The following LY96 variants were observed in gnomAD, a reference collection of about 807,000 sequenced individuals.
The protein encoded by LY96 is myeloid differentiation protein-2.
LY96 carries 18 observed loss-of-function variants against 18.9 expected under a neutral mutation model. The observed-to-expected ratio is 0.95, with a 90% CI of 0.66 to 1.41. The LOEUF is 1.41. Ranked by LOEUF, LY96 falls within the 40% of genes most tolerant of loss-of-function variation. The pLI, the probability that LY96 is intolerant of heterozygous loss-of-function variation, is 0.00. For synonymous variants in LY96, 66 were observed against 62.6 expected (o/e 1.06, Z -0.26); for missense variants, 175 against 182.4 (o/e 0.96, Z 0.23).
chr8:74,065,869 G>A, the LY96 span, among the ~76,000 whole-genome samples: 2 of 152,228 alleles, frequency 1.3e-5, no homozygotes, highest in African/African-American at 2.4e-5. Flanking sequence ...TGCTCTTGGA[G>A]TTGAATGCAA....
chr8:74,040,876 G>T, the LY96 span, among the ~76,000 whole-genome samples: 1 of 151,802 alleles, frequency 6.6e-6, no homozygotes, highest in Non-Finnish European at 1.5e-5. Flanking sequence ...CTAATTTTTT[G>T]TATTTTTAGT....
intron 3 of LY96, among the ~76,000 whole-genome samples, chr8:74,014,074 A>T (rs1483648741): frequency 1.3e-5 from 2 of 151,032 alleles, no homozygotes; most frequent in African/African-American, 4.9e-5. Flanking sequence ...CAGGGAGGAG[A>T]TGAAAGAGAG....
the LY96 span, among the ~76,000 whole-genome samples, chr8:74,053,836 C>T: frequency 6.6e-6 from 1 of 152,186 alleles, no homozygotes; most frequent in Non-Finnish European, 1.5e-5. Flanking sequence ...GTAAGACCCC[C>T]ATGGTGAGAC....
At chr8:74,075,200 C>T in the LY96 span, among the ~76,000 whole-genome samples, 1 of 152,128 alleles carries the variant, frequency 6.6e-6, no homozygotes, top group East Asian at 1.9e-4. Flanking sequence ...ATTATTATAT[C>T]CTCTGGCTGA....
the LY96 span, among the ~76,000 whole-genome samples, chr8:74,054,919 A>T: frequency 1.3e-5 from 2 of 151,478 alleles, no homozygotes; most frequent in Non-Finnish European, 2.9e-5. Flanking sequence ...TTTATAAAAA[A>T]TTTTTGATGC....
At chr8:74,059,368 A>C in the LY96 span, among the ~76,000 whole-genome samples, 1 of 152,222 alleles carries the variant, frequency 6.6e-6, no homozygotes, top group Non-Finnish European at 1.5e-5. Context: ...GTGGAACTTA[A>C]CAAACAGATT....
At chr8:74,066,792 G>A in the LY96 span, among the ~76,000 whole-genome samples, 45,808 of 152,074 alleles carry the variant, frequency 0.3, 9,960 homozygotes, top group African/African-American at 0.62. Context: ...GAAGGTGTCA[G>A]TCTAAACAGA....
the LY96 span, among the ~76,000 whole-genome samples, chr8:74,056,948 G>T: frequency 6.6e-6 from 1 of 152,170 alleles, no homozygotes; most frequent in South Asian, 2.1e-4. Flanking sequence ...TAGTTTTGTG[G>T]TAACTTGTTA....
At chr8:74,088,856 G>C in the LY96 span, among the ~76,000 whole-genome samples, 1 of 152,202 alleles carries the variant, frequency 6.6e-6, no homozygotes, top group African/African-American at 2.4e-5. Flanking sequence ...TAAGTGCTGG[G>C]ATTACAGGTG....
At chr8:74,054,625 T>TTTCC in the LY96 span, among the ~76,000 whole-genome samples, 1 of 102,760 alleles carries the variant, frequency 9.7e-6, no homozygotes, top group Admixed American at 1.1e-4. Flanking sequence ...TCCTTCTTTC[T>TTTCC]TTCTTTCTTT....
chr8:74,083,068 G>T, the LY96 span, among the ~76,000 whole-genome samples: 1 of 151,978 alleles, frequency 6.6e-6, no homozygotes, highest in Non-Finnish European at 1.5e-5. Context: ...CCCCCTGCTG[G>T]ATTAATTTGA....
chr8:74,057,236 T>C, the LY96 span, among the ~76,000 whole-genome samples: 1 of 152,168 alleles, frequency 6.6e-6, no homozygotes, highest in Non-Finnish European at 1.5e-5. Flanking sequence ...TCCTCATCAG[T>C]TCCCATTTTC....
intron 3 of LY96, among the ~76,000 whole-genome samples, chr8:74,019,655 G>A (rs139067562): frequency 0.021 from 3,143 of 152,194 alleles, 121 homozygotes; most frequent in Admixed American, 0.078. Context: ...AATGAACATC[G>A]ATGAGAAAAT....
At chr8:74,046,900 A>AGTC in the LY96 span, among the ~76,000 whole-genome samples, 1 of 124,450 alleles carries the variant, frequency 8.0e-6, no homozygotes, top group African/African-American at 3.5e-5. Flanking sequence ...TCTCATTCTC[A>AGTC]TTCTTTTTTT....
the LY96 span, chr8:74,056,403 G>C: frequency 8.0e-6 from 2 of 250,658 alleles, no homozygotes; most frequent in Non-Finnish European, 1.5e-5. Flanking sequence ...TGTCTTAAAA[G>C]AGACAATCAA....
At chr8:74,020,654 A>G (rs982354019) in intron 3 of LY96, among the ~76,000 whole-genome samples, 1 of 152,220 alleles carries the variant, frequency 6.6e-6, no homozygotes, top group Non-Finnish European at 1.5e-5. Context: ...GCATCATGCT[A>G]CCTGACTTCA....
At chr8:74,073,297 A>C in the LY96 span, among the ~76,000 whole-genome samples, 4 of 152,232 alleles carry the variant, frequency 2.6e-5, no homozygotes, top group Non-Finnish European at 5.9e-5. Flanking sequence ...TCCTGCCATC[A>C]GGTGAGTCAG....
At chr8:74,032,594 C>A (rs1563723484), downstream of LY96, among the ~76,000 whole-genome samples, 1 of 152,212 alleles carries the variant, frequency 6.6e-6, no homozygotes, top group South Asian at 2.1e-4. Flanking sequence ...AGTCGGAGAG[C>A]TCGGTTTTTG....
chr8:74,014,394 GAAA>G (rs60971901), intron 3 of LY96, among the ~76,000 whole-genome samples: 1 of 112,870 alleles, frequency 8.9e-6, no homozygotes, highest in African/African-American at 3.1e-5. Flanking sequence ...AAAAAAAAAA[GAAA>G]AAAAAAAAAG....
Sources: gnomAD v4.1 joint callset for allele counts (sites outside exome capture counted in the v4.1 genomes callset) on GRCh38, gnomAD v4.1.1 for gene constraint, MANE v1.5 for transcripts, NCBI Gene and HGNC (gene_info 2026-07-23, HGNC 2026-07-21) for gene names.